TAFA2: variants seen among roughly 807,000 people sequenced by gnomAD.
TAFA2 encodes TAFA chemokine like family member 2.
TAFA2 carries 7 observed loss-of-function variants against 18.8 expected under a neutral mutation model. The observed-to-expected ratio is 0.37, with a 90% CI of 0.21 to 0.70. The LOEUF is 0.70. Ranked by LOEUF, TAFA2 falls within the 30% of genes least tolerant of loss-of-function variation. The pLI, the probability that TAFA2 is intolerant of heterozygous loss-of-function variation, is 0.53. For synonymous variants in TAFA2, 60 were observed against 54.2 expected (o/e 1.11, Z -0.47); for missense variants, 122 against 158.1 (o/e 0.77, Z 1.23).
intron 2 of TAFA2, among the ~76,000 whole-genome samples, chr12:61,824,745 C>A (rs1592414093): frequency 6.6e-6 from 1 of 152,054 alleles, no homozygotes; most frequent in Non-Finnish European, 1.5e-5. Flanking sequence ...ATTTGATGTA[C>A]TCCTGTTTTA....
chr12:62,179,607 C>A (rs1156378068), intron 1 of TAFA2, among the ~76,000 whole-genome samples: 2 of 152,170 alleles, frequency 1.3e-5, no homozygotes, highest in East Asian at 3.8e-4. Context: ...CTCGGTTTGG[C>A]TCCACGCATT....
At chr12:61,874,256 A>G (rs1874747660) in intron 1 of TAFA2, among the ~76,000 whole-genome samples, 1 of 152,164 alleles carries the variant, frequency 6.6e-6, no homozygotes, top group South Asian at 2.1e-4. Context: ...ATTTTCTTAG[A>G]CAACTTCAAA....
chr12:62,196,586 A>T (rs976485298), upstream of TAFA2, among the ~76,000 whole-genome samples: 1 of 152,230 alleles, frequency 6.6e-6, no homozygotes, highest in Non-Finnish European at 1.5e-5. Context: ...GGGAACAGCC[A>T]GTTGGTGAAA....
chr12:62,170,367 T>C (rs1373576453), intron 1 of TAFA2, among the ~76,000 whole-genome samples: 1 of 152,262 alleles, frequency 6.6e-6, no homozygotes, highest in African/African-American at 2.4e-5. Context: ...TCTACTGATA[T>C]GGCTAGCGTC....
At chr12:61,825,530 C>T (rs922778986) in intron 2 of TAFA2, among the ~76,000 whole-genome samples, 2 of 151,946 alleles carry the variant, frequency 1.3e-5, no homozygotes, top group Admixed American at 1.3e-4. Context: ...AATAAGGAAA[C>T]CGCTAAAACT....
chr12:62,184,698 A>G (rs2062574419), intron 1 of TAFA2, among the ~76,000 whole-genome samples: 1 of 150,758 alleles, frequency 6.6e-6, no homozygotes, highest in South Asian at 2.1e-4. Context: ...GCAGGGTTTC[A>G]TCATGTTGCC....
At chr12:62,255,924 A>G (rs1445341336) in intron 1 of TAFA2, among the ~76,000 whole-genome samples, 2 of 151,892 alleles carry the variant, frequency 1.3e-5, no homozygotes, top group Non-Finnish European at 2.9e-5. Flanking sequence ...GGGCAGACTG[A>G]TATCAAATTT....
chr12:61,863,975 G>A (rs1252112670), intron 2 of TAFA2, among the ~76,000 whole-genome samples: 3 of 152,082 alleles, frequency 2.0e-5, no homozygotes, highest in Admixed American at 6.5e-5. Flanking sequence ...AGCAGACTGG[G>A]CGATTCTCCA....
intron 1 of TAFA2, among the ~76,000 whole-genome samples, chr12:61,884,285 G>A (rs1164589656): frequency 4.6e-5 from 7 of 152,122 alleles, no homozygotes; most frequent in Non-Finnish European, 7.4e-5. Flanking sequence ...AGGTACCAGC[G>A]AGGCACTGGG....
At chr12:62,256,156 C>G (rs1466820551) in intron 1 of TAFA2, among the ~76,000 whole-genome samples, 1 of 151,842 alleles carries the variant, frequency 6.6e-6, no homozygotes, top group Non-Finnish European at 1.5e-5. Context: ...GTAATCCCAG[C>G]TACTCAAGAA....
intron 2 of TAFA2, among the ~76,000 whole-genome samples, chr12:61,858,920 G>T (rs971333501): frequency 4.6e-5 from 7 of 152,134 alleles, no homozygotes; most frequent in Admixed American, 4.6e-4. Context: ...ACTATTACAT[G>T]AAATGCTATA....
At chr12:62,250,855 G>A (rs766809420) in intron 1 of TAFA2, among the ~76,000 whole-genome samples, 4 of 152,050 alleles carry the variant, frequency 2.6e-5, no homozygotes, top group Non-Finnish European at 4.4e-5. Flanking sequence ...TTTTTGCAAC[G>A]AGAACATGAC....
chr12:61,789,305 G>T (rs574108968), intron 2 of TAFA2, among the ~76,000 whole-genome samples: 1 of 151,962 alleles, frequency 6.6e-6, no homozygotes, highest in South Asian at 2.1e-4. Context: ...ATTTCATCTT[G>T]AGTTAATTTT....
chr12:61,847,084 T>C (rs1177074652), intron 2 of TAFA2, among the ~76,000 whole-genome samples: 1 of 152,192 alleles, frequency 6.6e-6, no homozygotes, highest in Non-Finnish European at 1.5e-5. Flanking sequence ...CTTACTTTCA[T>C]CGACCCACTC....
At chr12:61,762,174 G>A (rs1272641175) in intron 2 of TAFA2, among the ~76,000 whole-genome samples, 1 of 152,020 alleles carries the variant, frequency 6.6e-6, no homozygotes, top group African/African-American at 2.4e-5. Flanking sequence ...CCAGTCTCAG[G>A]TATTTCTTTC....
intron 1 of TAFA2, among the ~76,000 whole-genome samples, chr12:61,960,775 CAA>C (rs34080993): frequency 2.1e-5 from 3 of 145,666 alleles, no homozygotes; most frequent in Non-Finnish European, 1.5e-5. Flanking sequence ...CCTATTTCAC[CAA>C]AAAAAAAAAA....
At chr12:61,763,845 C>T (rs1869668669) in intron 2 of TAFA2, among the ~76,000 whole-genome samples, 1 of 151,820 alleles carries the variant, frequency 6.6e-6, no homozygotes, top group African/African-American at 2.4e-5. Flanking sequence ...TTGGTGTATG[C>T]CCTTCTGCAG....
intron 1 of TAFA2, among the ~76,000 whole-genome samples, chr12:62,104,213 T>C (rs1263458570): frequency 6.6e-6 from 1 of 152,024 alleles, no homozygotes; most frequent in Non-Finnish European, 1.5e-5. Flanking sequence ...AAACGTGCCA[T>C]TTAGCTAATC....
At chr12:62,038,080 G>A (rs955884670) in intron 1 of TAFA2, among the ~76,000 whole-genome samples, 1 of 152,180 alleles carries the variant, frequency 6.6e-6, no homozygotes, top group African/African-American at 2.4e-5. Flanking sequence ...AATTAAAACA[G>A]TGGTTACCAG....
Sources: gnomAD v4.1 joint callset for allele counts (sites outside exome capture counted in the v4.1 genomes callset) on GRCh38, gnomAD v4.1.1 for gene constraint, MANE v1.5 for transcripts, NCBI Gene and HGNC (gene_info 2026-07-23, HGNC 2026-07-21) for gene names.